MUC6: variants seen among roughly 807,000 people sequenced by gnomAD.
The protein encoded by MUC6 is mucin 6, oligomeric mucus/gel-forming (gene/pseudogene), also known as mucin-6.
MUC6 carries 188 observed loss-of-function variants against 201.5 expected under a neutral mutation model. That is an observed-to-expected ratio of 0.93 (90% CI 0.83 to 1.05). The LOEUF (loss-of-function observed/expected upper bound fraction) is 1.05. MUC6 is among the 50% of genes least tolerant of loss of function. The probability of loss-of-function intolerance (pLI) is 0.00; values close to 1 mark genes in which losing one functional copy is unlikely to be tolerated. For missense variants in MUC6, 2,706 were observed against 3,256.9 expected (o/e 0.83, Z 4.12); for synonymous variants, 1,228 against 1,389.4 (o/e 0.88, Z 2.58).
intron 2 of MUC6, among the ~76,000 whole-genome samples, chr11:1,032,299 G>A (rs1437467965): frequency 6.6e-6 from 1 of 152,192 alleles, no homozygotes; most frequent in Non-Finnish European, 1.5e-5. Flanking sequence ...GTGTGTGCAC[G>A]TGTGTGCACG....
rs369168568 is a variant in MUC6, at chr11:1,030,366, T to A, written c.893-31A>T. On this transcript the variant is annotated intron_variant, in intron 7 of 32. Transcript: ENST00000421673. ...GGCACACGCGGCTCCGGTGAGAGGG[T>A]CCCACCCCCCCCACCCCTCCCTGCC... The A allele has an allele frequency of 1.8e-3, 2,621 of 1,491,144 alleles. 34 individuals carry two copies. The African/African-American group carries it at 0.033, about 19-fold the overall frequency. The allele number at this position is 1,491,144 out of a possible 1,614,324, so 92.4% of individuals were successfully genotyped here.
chr11:1,029,560 G>A lies in MUC6; in HGVS notation c.1071C>T (p.Cys357=). 6.2e-7 allele frequency: 1 copy of A among 1,611,422 alleles called. No individual in the cohort carries two copies. The highest frequency in any genetic ancestry group is 8.5e-7 in the Non-Finnish European group (1 of 1,179,068). ...NNHTCVPVTQ[C]PCVLHGAMYA... is the part of the protein sequence containing the mutation. ...ACATGGCGCCGTGGAGCACACAGGG[G>A]CACTGGGTGACGGGCACGCAGGTGT... Residue 357 remains cysteine (C), a synonymous_variant, in exon 9 of 33, where the codon TGC becomes TGT. Transcript: ENST00000421673.
chr11:1,013,186 G>A lies in MUC6; in HGVS notation c.*270C>T, dbSNP rs1856516780. 1.9e-6 allele frequency: 1 copy of A among 524,356 alleles called. No individual in the cohort carries two copies. The highest frequency in any genetic ancestry group is 3.3e-6 in the Non-Finnish European group (1 of 298,546). The allele number at this position is 524,356 out of a possible 1,614,324, so 32.5% of individuals were successfully genotyped here. On this transcript the variant is annotated 3_prime_UTR_variant, in exon 33 of 33. Transcript: ENST00000421673. Reference sequence around the variant, plus strand: ...TTGGACGGTGGGCAGGGGTGGTCGGGAGTGCCCTGTGTGCCTGGGAGGTCC... The same window carrying A: ...TTGGACGGTGGGCAGGGGTGGTCGGAAGTGCCCTGTGTGCCTGGGAGGTCC...
Position 1,021,276 on chromosome 11 carries a change from G to A in MUC6, c.3528C>T (p.Gly1176=). ...ACTCATCCTGGGAGCAGTTGTAGCA[G>A]CCTAGGGTGGAGAACGGCCAGGGTC... ...PQSVPGSNIE[G]CYNCSQDEYF... Residue 1176 remains glycine, a splice_region_variant and synonymous_variant, in exon 27 of 33, where the codon GGC becomes GGT. Transcript: ENST00000421673. 1 of 1,569,166 alleles carries A rather than the reference G, an allele frequency of 6.4e-7. No individual in the cohort carries two copies. Among genetic ancestry groups the A allele is most frequent in the Non-Finnish European group, 8.6e-7 (1 of 1,158,578 alleles).
In MUC6 at chr11:1,029,375, G is replaced by A. The variant is rs1465161755; in HGVS notation, c.1137-9C>T. 5.0e-6 allele frequency: 8 copies of A among 1,594,452 alleles called. No homozygotes were observed. The highest frequency in any genetic ancestry group is 6.8e-6 in the Non-Finnish European group (8 of 1,170,736). On this transcript the variant is annotated splice_polypyrimidine_tract_variant and intron_variant, in intron 9 of 32. Transcript: ENST00000421673. ...GGCCCAGGGTGCACCGGCTGTGGGTGGGCGTGGGGGTAGCGGCATGGTGGG... is the reference window on the plus strand; with the variant it reads ...GGCCCAGGGTGCACCGGCTGTGGGTAGGCGTGGGGGTAGCGGCATGGTGGG...
chr11:1,031,580 G>A (rs2133836166), intron 4 of MUC6, 27 bp downstream of exon 4: 1 of 1,543,372 alleles, frequency 6.5e-7, no homozygotes, highest in Non-Finnish European at 8.7e-7. Context: ...CGGGTCTCCA[G>A]GCCCACCCTG....
intron 17 of MUC6, 22 bp downstream of exon 17, chr11:1,027,246 T>C (rs1856982809): frequency 6.2e-7 from 1 of 1,611,958 alleles, no homozygotes; most frequent in Non-Finnish European, 8.5e-7. Context: ...ACCCCCCGCC[T>C]GGCCCCTGCC....
rs866378678 is a variant in MUC6 at position 1,018,644 on chromosome 11, G to C, written c.4157C>G (p.Thr1386Arg). 3.1e-6 allele frequency: 5 copies of C among 1,613,360 alleles called. No homozygotes were observed. The Middle Eastern group carries it at 6.6e-4, about 212-fold the overall frequency. ...QPGQPTRPTA[T>R]ETTQTRTTTE... is the part of the protein sequence containing the mutation. ...AGTCGTTCTTGTTTGAGTGGTCTCT[G>C]TGGCTGTGGGCCTCGTGGGTTGTCC... The change falls in exon 31 of 33, where the codon ACA becomes AGA. Residue 1386 changes from threonine to arginine, a missense_variant. Physicochemically the swap from Thr to Arg is moderately conservative, Grantham distance 71. Transcript: ENST00000421673.
rs1857081926 is a variant in MUC6 at position 1,030,739 on chromosome 11, C to T, written c.726G>A (p.Glu242=). 6.5e-7 allele frequency: 1 copy of T among 1,542,192 alleles called. No homozygotes were observed. Among genetic ancestry groups the T allele is most frequent in the Non-Finnish European group, 8.7e-7 (1 of 1,147,698 alleles). The change falls in exon 7 of 33, where the codon GAG becomes GAA. Residue 242 remains glutamate (E), a synonymous_variant. Coordinates refer to ENST00000421673, the MANE Select transcript of MUC6 (RefSeq NM_005961.3). ...CTQLLTLVAP[E]CSVSKEPFVL... ...CGAAGGGCTCCTTGGACACGCTGCA[C>T]TCAGGGGCCACCAGGGTCAGCAGCT...
chr11:1,027,072 G>T lies in MUC6; in HGVS notation c.2285-22C>A. On this transcript the variant is annotated intron_variant, in intron 18 of 32. Coordinates refer to ENST00000421673, the MANE Select transcript of MUC6 (RefSeq NM_005961.3). Reference sequence around the variant, plus strand: ...GAGGCTGCAGGAAAGAGGGGTGCGCGGTCAGGACACTCAGAGGAAGCCGGG... The same window carrying T: ...GAGGCTGCAGGAAAGAGGGGTGCGCTGTCAGGACACTCAGAGGAAGCCGGG... 4 of 1,605,998 alleles carry T rather than the reference G, an allele frequency of 2.5e-6. No individual in the cohort carries two copies. In the Middle Eastern group the frequency reaches 5.0e-4, roughly 199 times the overall value.
In MUC6 at chr11:1,029,596, G is replaced by A. The variant is rs761742467; in HGVS notation, c.1035C>T (p.Leu345=). The part of the protein sequence containing the change: ...FCPEGTVLND[L]SNNHTCVPVT... ...CGGGCACGCAGGTGTGGTTATTGGA[G>A]AGGTCATTCAGGACCGTACCTGCAG... The change falls in exon 9 of 33, where the codon CTC becomes CTT. Residue 345 remains leucine (L), a synonymous_variant. Transcript: ENST00000421673. The A allele has an allele frequency of 1.2e-6, 2 of 1,602,738 alleles. No individual in the cohort carries two copies. The highest frequency in any genetic ancestry group is 1.1e-5 in the South Asian group (1 of 89,814).
Position 1,031,150 on chromosome 11 carries a change from C to T in MUC6, c.574+19G>A, listed in dbSNP as rs1371955684. 3 of 1,507,202 alleles carry T rather than the reference C, an allele frequency of 2.0e-6. No individual in the cohort carries two copies. The highest frequency in any genetic ancestry group is 2.4e-5 in the South Asian group (2 of 82,400). 93.4% of individuals were successfully genotyped at this position (1,507,202 alleles called of 1,614,324 possible). A position where few individuals can be genotyped will look rare whatever the true frequency, so the allele number is the denominator to read the frequency against. On this transcript the variant is annotated intron_variant, in intron 5 of 32. Transcript: ENST00000421673. ...CCTAGAGGCCCCCCCAGAGGCCCCC[C>T]AGCCCTGCCCCCACCTACCCTCCTC...
chr11:1,025,707 C>T (rs905343264), intron 22 of MUC6, 98 bp downstream of exon 22: 82 of 1,185,382 alleles, frequency 6.9e-5, no homozygotes, highest in Middle Eastern at 6.3e-4. Context: ...GGCTGCATCT[C>T]GGGGCAGGAC....
In MUC6 at chr11:1,015,883, C is replaced by T. The variant is rs1465443914; in HGVS notation, c.6918G>A (p.Arg2306=). ...TAGGCGACAAGGTGGGACCAGGGTG[C>T]CTGGTGGTAAGGTTGGTGACTGGAG... The part of the protein sequence containing the change: ...PTSPVTNLTT[R]HPGPTLSPTT... The change falls in exon 31 of 33, where the codon AGG becomes AGA. Residue 2306 remains arginine (R), a synonymous_variant. Transcript: ENST00000421673. 6.2e-7 allele frequency: 1 copy of T among 1,608,232 alleles called. No homozygotes were observed. Among genetic ancestry groups the T allele is most frequent in the Admixed American group, 1.7e-5 (1 of 59,708 alleles).
chr11:1,020,094 C>G lies in MUC6; in HGVS notation c.3804G>C (p.Ser1268=), dbSNP rs537722730. 6 of 1,613,286 alleles carry G rather than the reference C, an allele frequency of 3.7e-6. No homozygotes were observed. Among genetic ancestry groups the G allele is most frequent in the Non-Finnish European group, 4.2e-6 (5 of 1,179,818 alleles). ...TLTSSKPTAS[S]GEPPRPTTAV... ...GCTCAGCTGGAGGCTCCTTACCTCCCGAGGAGGCTGTGGGCTTGGAGGATG... is the reference window on the plus strand; with the variant it reads ...GCTCAGCTGGAGGCTCCTTACCTCCGGAGGAGGCTGTGGGCTTGGAGGATG... Residue 1268 remains serine, a synonymous_variant, in exon 29 of 33, where the codon TCG becomes TCC. Transcript: ENST00000421673.
At chr11:1,036,546 C>A (rs1313547755) in intron 1 of MUC6, 58 bp downstream of exon 1, 77 of 1,537,166 alleles carry the variant, frequency 5.0e-5, no homozygotes, top group Non-Finnish European at 6.6e-5. Flanking sequence ...CAGAGACCCC[C>A]GCACACAGGG....
At chr11:1,020,007 G>A in intron 29 of MUC6, 83 bp downstream of exon 29, 2 of 1,490,202 alleles carry the variant, frequency 1.3e-6, no homozygotes, top group South Asian at 1.2e-5. Flanking sequence ...CAGGAAGCAG[G>A]GCCATCCCTA....
rs1311866714 is a variant in MUC6 at position 1,028,708 on chromosome 11, T to C, written c.1529A>G (p.Gln510Arg). The change falls in exon 13 of 33, where the codon CAG becomes CGG. Residue 510 changes from glutamine to arginine, a missense_variant. By Grantham distance (43) the Gln-to-Arg change is conservative. Transcript: ENST00000421673. ...ATSFGLELVV[Q>R]LRPIFQAYVT... ...ATAGGCCTGGAAGATGGGGCGCAGC[T>C]GGACCACGAGCTCCAGCCCGAAGCT... The C allele has an allele frequency of 1.2e-6, 2 of 1,611,886 alleles. No homozygotes were observed. The highest frequency in any genetic ancestry group is 2.7e-5 in the African/African-American group (2 of 74,922).
At chr11:1,035,071 T>C (rs959384490) in intron 1 of MUC6, among the ~76,000 whole-genome samples, 3 of 152,100 alleles carry the variant, frequency 2.0e-5, no homozygotes, top group Non-Finnish European at 4.4e-5. Context: ...TGCGCACTGT[T>C]CCTTCTGCAC....
Sources: gnomAD v4.1 joint callset for allele counts (sites outside exome capture counted in the v4.1 genomes callset) on GRCh38, gnomAD v4.1.1 for gene constraint, MANE v1.5 for transcripts, NCBI Gene and HGNC (gene_info 2026-07-23, HGNC 2026-07-21) for gene names.